FCN2: variants seen among roughly 807,000 people sequenced by gnomAD.
FCN2 encodes the protein ficolin 2.
In FCN2, 31 loss-of-function variants were observed where a neutral mutation model predicts 32.5. That is an observed-to-expected ratio of 0.96 (90% confidence interval 0.72 to 1.29). The LOEUF (loss-of-function observed/expected upper bound fraction) is 1.29. FCN2 is among the 50% of genes most tolerant of loss of function. The pLI, the probability that FCN2 is intolerant of heterozygous loss-of-function variation, is 0.00. For synonymous variants in FCN2, 181 were observed against 164.5 expected (o/e 1.10, Z -0.77); for missense variants, 412 against 406.5 (o/e 1.01, Z -0.12).
chr9:134,869,447 C>T, the FCN2 span, among the ~76,000 whole-genome samples: 1 of 152,168 alleles, frequency 6.6e-6, no homozygotes, highest in Admixed American at 6.5e-5. Context: ...CTCCTGGGAC[C>T]AGCTGCCCTG....
rs1427390205 is a variant in FCN2 at position 134,886,695 on chromosome 9, C to T, written c.694+131C>T. The stretch of plus-strand genomic sequence containing the variant: ...CTCTGAGCCAATTCGTCCATCTCTA[C>T]ATGCAGACACTAACATCTGTGCTCT... On this transcript the variant is annotated intron_variant, in intron 7 of 7. Transcript: ENST00000291744. 11 of 987,426 alleles carry T rather than the reference C, an allele frequency of 1.1e-5. No homozygotes were observed. In the East Asian group the frequency reaches 2.7e-4, roughly 24 times the overall value. The allele number at this position is 987,426 out of a possible 1,614,324, so 61.2% of individuals were successfully genotyped here.
At chr9:134,883,230 C>A in intron 2 of FCN2, 72 bp from the exon 3 acceptor site, 1 of 1,277,476 alleles carries the variant, frequency 7.8e-7, no homozygotes, top group South Asian at 1.2e-5. Context: ...ATGACAGCCG[C>A]CAGCTCCAGG....
chr9:134,870,909 A>G, the FCN2 span, among the ~76,000 whole-genome samples: 2 of 152,030 alleles, frequency 1.3e-5, no homozygotes, highest in Non-Finnish European at 1.5e-5. This position sits in a 1 kb window ranked among gnomAD's most constrained non-coding sequence, Gnocchi z 4.3. Context: ...GGTCTCCCCC[A>G]ACACCAGCAC....
the FCN2 span, among the ~76,000 whole-genome samples, chr9:134,871,486 C>T: frequency 4.6e-5 from 7 of 152,362 alleles, no homozygotes; most frequent in East Asian, 3.9e-4. Context: ...GCCGCCGCTG[C>T]GTGCTCACTC....
chr9:134,873,173 G>A, the FCN2 span, among the ~76,000 whole-genome samples: 280 of 151,584 alleles, frequency 1.8e-3, 1 homozygote, highest in African/African-American at 6.4e-3. Flanking sequence ...TCTGTGTTCC[G>A]AGTACCACCC....
rs1483308946 is a variant in FCN2, at chr9:134,886,557, C to A, written c.687C>A (p.Gly229=). ...TGGTCCTGGGGGCCTTCGTGGAGGGCAGTGCGGGTGAGTGTCTGCTTGGGG... is the reference window on the plus strand; with the variant it reads ...TGGTCCTGGGGGCCTTCGTGGAGGGAAGTGCGGGTGAGTGTCTGCTTGGGG... ...YNLVLGAFVE[G]SAGDSLTFHN... is the part of the protein sequence containing the mutation. The change falls in exon 7 of 8, where the codon GGC becomes GGA. Residue 229 remains glycine (G), a synonymous_variant. Coordinates refer to ENST00000291744, the MANE Select transcript of FCN2 (RefSeq NM_004108.3). 2 of 1,613,848 alleles carry A rather than the reference C, an allele frequency of 1.2e-6. No homozygotes were observed. The highest frequency in any genetic ancestry group is 2.7e-5 in the African/African-American group (2 of 74,886).
chr9:134,869,805 C>T, the FCN2 span, among the ~76,000 whole-genome samples: 4 of 152,186 alleles, frequency 2.6e-5, no homozygotes, highest in Non-Finnish European at 5.9e-5. Flanking sequence ...TGGCTCCTGC[C>T]CTCAGGTGCT....
chr9:134,874,519 A>T, the FCN2 span, among the ~76,000 whole-genome samples: 1 of 152,218 alleles, frequency 6.6e-6, no homozygotes, highest in East Asian at 1.9e-4. Context: ...ATCAATTTCC[A>T]CATCCACGTA....
the FCN2 span, among the ~76,000 whole-genome samples, chr9:134,872,722 C>A: frequency 6.6e-6 from 1 of 152,136 alleles, no homozygotes; most frequent in Non-Finnish European, 1.5e-5. Flanking sequence ...CGAGAAGACC[C>A]GCCCTCGTGA....
chr9:134,872,060 C>T, the FCN2 span, among the ~76,000 whole-genome samples: 1 of 152,084 alleles, frequency 6.6e-6, no homozygotes. Context: ...TGCTGCCTGT[C>T]TTCCTCCCCC....
rs189079787 is a variant in FCN2 at position 134,883,184 on chromosome 9, G to T, written c.215-118G>T. Reference sequence around the variant, plus strand: ...CAAGCCTGGGCGGGGCCACAGTCACGTCGTAGCACGAGCAGGGTCATGGTC... The same window carrying T: ...CAAGCCTGGGCGGGGCCACAGTCACTTCGTAGCACGAGCAGGGTCATGGTC... On this transcript the variant is annotated intron_variant, in intron 2 of 7. Transcript: ENST00000291744. 4.5e-5 allele frequency: 41 copies of T among 913,728 alleles called. 2 individuals are homozygous for T. In the South Asian group the frequency reaches 5.4e-4, roughly 12 times the overall value. The allele number at this position is 913,728 out of a possible 1,614,324, so 56.6% of individuals were successfully genotyped here. A position where few individuals can be genotyped will look rare whatever the true frequency, so the allele number is the denominator to read the frequency against.
chr9:134,885,981 A>T, intron 6 of FCN2, 84 bp downstream of exon 6: 1 of 1,424,360 alleles, frequency 7.0e-7, no homozygotes, highest in Non-Finnish European at 9.5e-7. Context: ...CTGGAACACA[A>T]GAGCCTCTTG....
chr9:134,886,344 CTT>C (rs2133008821), intron 6 of FCN2, 84 bp from the exon 7 acceptor site: 2 of 1,540,190 alleles, frequency 1.3e-6, no homozygotes, highest in South Asian at 2.2e-5. Context: ...TCCAGACCTC[CTT>C]CCAGGCCCTG....
At position 134,883,480 on chromosome 9, in the gene FCN2, G is replaced by T. The variant is rs1320441355; in HGVS notation, c.268+125G>T. On this transcript the variant is annotated intron_variant, in intron 3 of 7. Transcript: ENST00000291744. ...GCCAGAGCCAACGCCTGCCCAGGCAGGGCTCTTGGGGCTTAGTCCAGGGCA... is the reference window on the plus strand; with the variant it reads ...GCCAGAGCCAACGCCTGCCCAGGCATGGCTCTTGGGGCTTAGTCCAGGGCA... The T allele has an allele frequency of 9.6e-6, 8 of 829,310 alleles. No homozygotes were observed. In the Admixed American group the frequency reaches 1.2e-4, roughly 12 times the overall value. 51.4% of individuals were successfully genotyped at this position (829,310 alleles called of 1,614,324 possible). A position where few individuals can be genotyped will look rare whatever the true frequency, so the allele number is the denominator to read the frequency against.
the FCN2 span, among the ~76,000 whole-genome samples, chr9:134,865,436 C>T: frequency 3.9e-5 from 6 of 152,158 alleles, no homozygotes; most frequent in Non-Finnish European, 7.4e-5. Flanking sequence ...AGAAAGGCCC[C>T]GAGTGGGGCT....
chr9:134,864,193 G>A, the FCN2 span, among the ~76,000 whole-genome samples: 1 of 152,176 alleles, frequency 6.6e-6, no homozygotes, highest in Non-Finnish European at 1.5e-5. Flanking sequence ...GTGGACTCAC[G>A]GCAGATTCTC....
rs558158615 is a variant in FCN2 at position 134,881,295 on chromosome 9, G to A, written c.100+374G>A. 5.3e-5 allele frequency among the ~76,000 whole-genome samples: 8 copies of A among 152,296 alleles called. No homozygotes were observed. In the East Asian group the frequency reaches 1.4e-3, roughly 26 times the overall value. ...ATTCTGCCATGGTCGCCATCACAGA[G>A]AGACAGGGTGTGAGGTGGGGATAAG... On this transcript the variant is annotated intron_variant, in intron 1 of 7. Transcript: ENST00000291744.
intron 2 of FCN2, 136 bp downstream of exon 2, chr9:134,882,775 T>C: frequency 1.6e-6 from 1 of 636,170 alleles, no homozygotes; most frequent in Non-Finnish European, 2.8e-6. Flanking sequence ...AAGAACTGAC[T>C]CCCAGGGCCC....
upstream of FCN2, chr9:134,880,711 G>A (rs547892439): frequency 4.8e-5 from 41 of 862,494 alleles, no homozygotes; most frequent in Admixed American, 8.0e-5. Context: ...CACCAAGCCC[G>A]CGGAGAGGAA....
Sources: allele counts gnomAD v4.1 joint callset (sites outside exome capture counted in the v4.1 genomes callset), GRCh38; gene constraint gnomAD v4.1.1; non-coding constraint Gnocchi (gnomAD v3.1); transcripts MANE v1.5; gene names NCBI Gene and HGNC (gene_info 2026-07-23, HGNC 2026-07-21).